The following JAK2 variants were observed in gnomAD, a reference collection of about 807,000 sequenced individuals.
JAK2 encodes Janus kinase 2.
JAK2 carries 86 observed loss-of-function variants against 139.3 expected under a neutral mutation model. That is an observed-to-expected ratio of 0.62 (90% CI 0.52 to 0.74). The LOEUF (loss-of-function observed/expected upper bound fraction) is 0.74, where lower values mean the gene tolerates loss of function less well. JAK2 is among the 30% of genes least tolerant of loss of function. The pLI, the probability that JAK2 is intolerant of heterozygous loss-of-function variation, is 0.00. For synonymous variants in JAK2, 490 were observed against 437.7 expected, an observed-to-expected ratio of 1.12 and a Z score of -1.49; for missense variants, 1,421 against 1,360.3, an observed-to-expected ratio of 1.04 and a Z score of -0.70.
intron 22 of JAK2, among the ~76,000 whole-genome samples, chr9:5,105,720 G>C (rs546358668): frequency 6.6e-6 from 1 of 151,840 alleles, no homozygotes; most frequent in Non-Finnish European, 1.5e-5. Flanking sequence ...AACAGAGATA[G>C]ACCAATGGAA....
chr9:5,013,502 G>T (rs1052457456), intron 2 of JAK2, among the ~76,000 whole-genome samples: 5 of 152,180 alleles, frequency 3.3e-5, no homozygotes, highest in Non-Finnish European at 7.3e-5. Flanking sequence ...GGACATTTCT[G>T]TGGAAAAGTT....
intron 13 of JAK2, among the ~76,000 whole-genome samples, chr9:5,073,196 T>C (rs577410064): frequency 1.0e-3 from 154 of 152,362 alleles, no homozygotes; most frequent in Non-Finnish European, 2.0e-3. Flanking sequence ...GTATTGGTGA[T>C]TGTGATTCAC....
chr9:5,082,965 C>A (rs1421029560), intron 19 of JAK2, among the ~76,000 whole-genome samples: 3 of 152,224 alleles, frequency 2.0e-5, no homozygotes, highest in Non-Finnish European at 2.9e-5. Context: ...TACATAGACA[C>A]AGTAACACAC....
At chr9:5,006,077 C>A (rs547979376) in intron 2 of JAK2, among the ~76,000 whole-genome samples, 11 of 152,120 alleles carry the variant, frequency 7.2e-5, no homozygotes, top group Non-Finnish European at 1.6e-4. Flanking sequence ...CTATAAATGA[C>A]CTTGGGCAGT....
chr9:4,991,864 C>G (rs1208485778), intron 2 of JAK2, among the ~76,000 whole-genome samples: 3 of 152,152 alleles, frequency 2.0e-5, no homozygotes, highest in Non-Finnish European at 4.4e-5. Flanking sequence ...AAGGGCTTTA[C>G]CATTATATTT....
At position 5,065,044 on chromosome 9, in the gene JAK2, A is replaced by G; in HGVS notation, c.1214+4A>G. Reference sequence around the variant, plus strand: ...GCAACTGTCATGGCCCAATTTCGTGAGTAATACAGACTTAAAAGTAAATTT... The same window carrying G: ...GCAACTGTCATGGCCCAATTTCGTGGGTAATACAGACTTAAAAGTAAATTT... On this transcript the variant is annotated splice_donor_region_variant and intron_variant, in intron 9 of 24. Transcript: ENST00000381652. 6.5e-7 allele frequency: 1 copy of G among 1,548,550 alleles called. No individual in the cohort carries two copies.
chr9:5,040,614 A>T (rs1278074659), intron 4 of JAK2, among the ~76,000 whole-genome samples: 1 of 152,282 alleles, frequency 6.6e-6, no homozygotes, highest in Non-Finnish European at 1.5e-5. Context: ...TTACAGCTCA[A>T]CAAGACAATG....
chr9:5,085,640 C>A, intron 19 of JAK2: 1 of 720,276 alleles, frequency 1.4e-6, no homozygotes, highest in Non-Finnish European at 2.6e-6. Flanking sequence ...TTCTTTTCAC[C>A]CCAGATCTTG....
intron 14 of JAK2, among the ~76,000 whole-genome samples, chr9:5,074,548 AT>A (rs2130562658): frequency 6.6e-6 from 1 of 152,340 alleles, no homozygotes; most frequent in African/African-American, 2.4e-5. Context: ...AACAGAGAGA[AT>A]ATAAGAAGGC....
chr9:5,018,301 A>G (rs914702321), intron 2 of JAK2, among the ~76,000 whole-genome samples: 28 of 151,900 alleles, frequency 1.8e-4, no homozygotes, highest in African/African-American at 6.3e-4. Context: ...TCTGTTTTTC[A>G]TAATGGTAGT....
At chr9:5,100,736 T>G (rs190565574) in intron 22 of JAK2, 1 of 152,382 alleles carries the variant, frequency 6.6e-6, no homozygotes, top group East Asian at 1.9e-4. Flanking sequence ...CCATCACGAT[T>G]ACCTTAGGTA....
intron 22 of JAK2, chr9:5,110,785 C>A (rs1050719262): frequency 5.0e-6 from 2 of 402,552 alleles, no homozygotes; most frequent in Non-Finnish European, 9.6e-6. Flanking sequence ...GGTAAGGGCC[C>A]GGGCCACGCG....
intron 19 of JAK2, chr9:5,085,570 C>T: frequency 1.4e-6 from 1 of 690,360 alleles, no homozygotes; most frequent in South Asian, 1.6e-5. Context: ...AGCTGTATTT[C>T]CAGTTTGTGC....
chr9:5,105,121 C>G (rs924674227), intron 22 of JAK2, among the ~76,000 whole-genome samples: 2 of 152,196 alleles, frequency 1.3e-5, no homozygotes, highest in Admixed American at 6.5e-5. Flanking sequence ...GTCAAATTGT[C>G]CCTGTTTGCA....
At chr9:5,080,102 C>T in intron 16 of JAK2, 127 bp from the exon 17 acceptor site, 1 of 707,944 alleles carries the variant, frequency 1.4e-6, no homozygotes, top group Non-Finnish European at 2.3e-6. Context: ...TGTGCACATC[C>T]AACCCCTCCA....
intron 5 of JAK2, among the ~76,000 whole-genome samples, chr9:5,046,919 A>G (rs926395641): frequency 6.6e-6 from 1 of 152,168 alleles, no homozygotes; most frequent in African/African-American, 2.4e-5. Flanking sequence ...AAGTTTTCCC[A>G]AACTATTCAT....
At position 5,064,977 on chromosome 9, in the gene JAK2, G is replaced by C. The variant is rs1344339697; in HGVS notation, c.1151G>C (p.Cys384Ser). The stretch of plus-strand genomic sequence containing the variant: ...ACTGCAGATGCACATCATTACCTCT[G>C]TAAAGAAGTAGCACCTCCAGCCGTG... Reference protein sequence around the residue: ...RLTADAHHYLCKEVAPPAVLE... With the variant: ...RLTADAHHYLSKEVAPPAVLE... The change falls in exon 9 of 25, where the codon TGT (cysteine) becomes TCT (serine). Residue 384 changes from cysteine to serine, a missense_variant. Coordinates refer to ENST00000381652, the MANE Select transcript of JAK2 (RefSeq NM_004972.4). 6.2e-7 allele frequency: 1 copy of C among 1,610,274 alleles called. No individual in the cohort carries two copies. Among genetic ancestry groups the C allele is most frequent in the African/African-American group, 1.3e-5 (1 of 74,768 alleles).
intron 8 of JAK2, among the ~76,000 whole-genome samples, chr9:5,062,908 T>A (rs1329955879): frequency 6.6e-6 from 1 of 152,176 alleles, no homozygotes; most frequent in African/African-American, 2.4e-5. Context: ...CTAGTTTTCT[T>A]TTTTTATTTT....
At chr9:5,120,379 TGAAA>T (rs1823524282) in intron 22 of JAK2, among the ~76,000 whole-genome samples, 1 of 152,236 alleles carries the variant, frequency 6.6e-6, no homozygotes. Flanking sequence ...ATCTGAAGTC[TGAAA>T]GAACTCAATT....
Sources: gnomAD v4.1 joint callset for allele counts (sites outside exome capture counted in the v4.1 genomes callset) on GRCh38, gnomAD v4.1.1 for gene constraint, MANE v1.5 for transcripts, NCBI Gene and HGNC (gene_info 2026-07-23, HGNC 2026-07-21) for gene names.